The following TSHR variants were observed in gnomAD, a reference collection of about 807,000 sequenced individuals.
TSHR encodes the protein thyroid stimulating hormone receptor, also known as thyrotropin receptor.
In TSHR, 51 loss-of-function variants were observed where a neutral mutation model predicts 64.1. The ratio of observed to expected loss-of-function variants is 0.80; its 90% CI spans 0.64 to 1.01. The LOEUF is 1.01. Among genes scored for constraint, TSHR ranks in the 50% least tolerant of loss-of-function variants. TSHR has a pLI of 0.00. For missense variants in TSHR, 877 were observed against 942.8 expected, an observed-to-expected ratio of 0.93 and a Z score of 0.91; for synonymous variants, 361 against 361.9, an observed-to-expected ratio of 1.00 and a Z score of 0.03.
intron 1 of TSHR, among the ~76,000 whole-genome samples, chr14:81,046,611 A>T (rs529456087): frequency 6.6e-6 from 1 of 152,194 alleles, no homozygotes; most frequent in East Asian, 1.9e-4. Flanking sequence ...TTCCAGAAGG[A>T]AATGAGAGAG....
intron 8 of TSHR, among the ~76,000 whole-genome samples, chr14:81,120,017 TG>T (rs930892745): frequency 9.2e-6 from 1 of 108,588 alleles, no homozygotes; most frequent in African/African-American, 3.7e-5. Flanking sequence ...CATCACACTC[TG>T]GGGACTGTTG....
intron 1 of TSHR, among the ~76,000 whole-genome samples, chr14:80,962,713 C>A (rs1887097397): frequency 6.6e-6 from 1 of 152,192 alleles, no homozygotes; most frequent in Non-Finnish European, 1.5e-5. Flanking sequence ...TTAGGAATAT[C>A]AGAGTGACTA....
intron 1 of TSHR, among the ~76,000 whole-genome samples, chr14:80,984,009 AT>A (rs1272095931): frequency 4.6e-5 from 7 of 152,204 alleles, no homozygotes; most frequent in African/African-American, 1.7e-4. Context: ...AAATCTAGTT[AT>A]AGAAGTAAGG....
rs1891870424 is a variant in TSHR, at chr14:81,144,836, A to G, written c.*483A>G. The stretch of plus-strand genomic sequence containing the variant: ...GATACAAAGAGAACTTGATTTCCTT[A>G]AAACTGAAAAGCCAAACACAGCTAG... On this transcript the variant is annotated 3_prime_UTR_variant, in exon 10 of 10. Transcript: ENST00000298171. 1 of 238,864 alleles carries G rather than the reference A, an allele frequency of 4.2e-6. No homozygotes were observed. The highest frequency in any genetic ancestry group is 8.2e-6 in the Non-Finnish European group (1 of 121,816). 14.8% of individuals were successfully genotyped at this position (238,864 alleles called of 1,614,324 possible). A position where few individuals can be genotyped will look rare whatever the true frequency, so the allele number is the denominator to read the frequency against.
intron 1 of TSHR, among the ~76,000 whole-genome samples, chr14:81,019,526 G>C (rs898125726): frequency 6.8e-6 from 1 of 146,506 alleles, no homozygotes; most frequent in African/African-American, 2.5e-5. Flanking sequence ...TTGTTACATA[G>C]GTATACATGT....
intron 3 of TSHR, among the ~76,000 whole-genome samples, chr14:81,079,108 T>C (rs925715689): frequency 2.6e-5 from 4 of 152,136 alleles, no homozygotes; most frequent in African/African-American, 9.7e-5. Flanking sequence ...TTATTCAGGA[T>C]CCTAAGTGGA....
At chr14:81,128,375 A>C (rs1164084608) in intron 8 of TSHR, among the ~76,000 whole-genome samples, 1 of 152,222 alleles carries the variant, frequency 6.6e-6, no homozygotes, top group Non-Finnish European at 1.5e-5. Context: ...ATACTAGGAT[A>C]GAAATTCAGT....
chr14:81,097,443 C>A (rs1734134337), intron 7 of TSHR, among the ~76,000 whole-genome samples: 1 of 152,138 alleles, frequency 6.6e-6, no homozygotes, highest in African/African-American at 2.4e-5. Context: ...GCTTCTCAAA[C>A]CTTCCTGGGC....
At chr14:80,983,355 T>A in intron 1 of TSHR, 1 of 1,091,664 alleles carries the variant, frequency 9.2e-7, no homozygotes, top group Non-Finnish European at 1.3e-6. Context: ...TCATTTGCCA[T>A]CCTTGAGAAA....
chr14:81,005,197 TTGTGTGTGTGTGTGTGTGTGTGTGTG>T (rs71103894), intron 1 of TSHR, among the ~76,000 whole-genome samples: 26 of 149,908 alleles, frequency 1.7e-4, no homozygotes, highest in Middle Eastern at 6.9e-3. Flanking sequence ...ACTCAAGCCT[TTGTGTGTGTGTGTGTGTGTGTGTGTG>T]TGTGTGTGTG....
intron 8 of TSHR, among the ~76,000 whole-genome samples, chr14:81,135,638 C>T (rs1407366397): frequency 6.6e-6 from 1 of 152,096 alleles, no homozygotes; most frequent in Non-Finnish European, 1.5e-5. Context: ...GAACGTAGGG[C>T]AAGGGCAAGA....
At chr14:81,119,993 C>CACATGGACACATGGACACATGG (rs1182938542) in intron 8 of TSHR, among the ~76,000 whole-genome samples, 1 of 119,228 alleles carries the variant, frequency 8.4e-6, no homozygotes, top group Non-Finnish European at 1.7e-5. Context: ...ATCACATGGA[C>CACATGGACACATGGACACATGG]ACAGGAAGGG....
At chr14:80,982,778 C>T (rs1888239921) in intron 1 of TSHR, 1 of 592,492 alleles carries the variant, frequency 1.7e-6, no homozygotes. Context: ...GTGGCAACAG[C>T]CTGCCCTTGT....
chr14:80,985,660 G>T (rs1454030789), intron 1 of TSHR, among the ~76,000 whole-genome samples: 1 of 152,172 alleles, frequency 6.6e-6, no homozygotes, highest in Non-Finnish European at 1.5e-5. Flanking sequence ...GTGAAAATAT[G>T]GGGTAATATG....
intron 1 of TSHR, among the ~76,000 whole-genome samples, chr14:80,962,634 T>C (rs1436687935): frequency 1.3e-5 from 2 of 152,232 alleles, no homozygotes; most frequent in African/African-American, 4.8e-5. Flanking sequence ...TAACCCACCA[T>C]AATGAAGAAC....
chr14:80,968,682 G>T (rs1298359768), intron 1 of TSHR, among the ~76,000 whole-genome samples: 1 of 152,126 alleles, frequency 6.6e-6, no homozygotes. Flanking sequence ...ATATATAGCT[G>T]CTGTATTTTC....
chr14:80,999,723 G>T (rs1016605621), intron 1 of TSHR, among the ~76,000 whole-genome samples: 1 of 152,074 alleles, frequency 6.6e-6, no homozygotes, highest in Non-Finnish European at 1.5e-5. Flanking sequence ...TCAAGCTCTG[G>T]ATGTGAAGAT....
At chr14:81,135,172 T>C (rs1891404374) in intron 8 of TSHR, among the ~76,000 whole-genome samples, 1 of 152,180 alleles carries the variant, frequency 6.6e-6, no homozygotes, top group South Asian at 2.1e-4. Flanking sequence ...AAATATCTCC[T>C]TCACACAGCC....
chr14:81,065,333 G>C (rs1456762394), intron 2 of TSHR, among the ~76,000 whole-genome samples: 1 of 152,108 alleles, frequency 6.6e-6, no homozygotes, highest in Non-Finnish European at 1.5e-5. Flanking sequence ...AAACTAATAG[G>C]CTTATTGGTG....
Sources: allele counts gnomAD v4.1 joint callset (sites outside exome capture counted in the v4.1 genomes callset), GRCh38; gene constraint gnomAD v4.1.1; transcripts MANE v1.5; gene names NCBI Gene and HGNC (gene_info 2026-07-23, HGNC 2026-07-21).